The following CNTNAP5 variants were observed in gnomAD, a reference collection of about 807,000 sequenced individuals.
CNTNAP5 encodes contactin associated protein family member 5.
A neutral mutation model predicts 150.2 loss-of-function variants in CNTNAP5; 72 were observed. The ratio of observed to expected loss-of-function variants is 0.48; its 90% CI spans 0.40 to 0.58. The LOEUF is 0.58. CNTNAP5 is among the 20% of genes least tolerant of loss of function. The pLI is 0.00. For missense variants in CNTNAP5, 1,636 were observed against 1,626.2 expected, an observed-to-expected ratio of 1.01 and a Z score of -0.10; for synonymous variants, 672 against 619.8, an observed-to-expected ratio of 1.08 and a Z score of -1.25.
At chr2:124,452,942 C>T (rs185349582) in intron 6 of CNTNAP5, among the ~76,000 whole-genome samples, 1 of 152,150 alleles carries the variant, frequency 6.6e-6, no homozygotes, top group East Asian at 1.9e-4. Flanking sequence ...AGAAAACCAA[C>T]TCTGATTATA....
At chr2:124,272,318 A>G (rs1413927757) in intron 3 of CNTNAP5, among the ~76,000 whole-genome samples, 1 of 152,180 alleles carries the variant, frequency 6.6e-6, no homozygotes, top group African/African-American at 2.4e-5. Context: ...TGAAGTAGGT[A>G]CTTTTTCTGG....
chr2:124,279,249 CTGTG>C (rs755251972), intron 3 of CNTNAP5, among the ~76,000 whole-genome samples: 5 of 143,850 alleles, frequency 3.5e-5, no homozygotes, highest in South Asian at 2.2e-4. Flanking sequence ...GTGTGTGTGT[CTGTG>C]TGTGTGTGTG....
intron 3 of CNTNAP5, among the ~76,000 whole-genome samples, chr2:124,266,655 T>A (rs1469693410): frequency 6.6e-6 from 1 of 152,174 alleles, no homozygotes. Context: ...CTTGGGATGA[T>A]CATATTTGAC....
At chr2:124,767,261 C>A (rs1681088208) in intron 16 of CNTNAP5, among the ~76,000 whole-genome samples, 1 of 152,158 alleles carries the variant, frequency 6.6e-6, no homozygotes, top group Admixed American at 6.6e-5. Flanking sequence ...AATTATTGGA[C>A]AGGGAACAGT....
intron 3 of CNTNAP5, among the ~76,000 whole-genome samples, chr2:124,384,677 A>G (rs1023566952): frequency 5.9e-5 from 9 of 152,226 alleles, no homozygotes; most frequent in African/African-American, 2.2e-4. Flanking sequence ...TCAGAGTTCA[A>G]AATCTGTATC....
At chr2:124,661,751 C>T (rs948253582) in intron 13 of CNTNAP5, among the ~76,000 whole-genome samples, 1 of 152,148 alleles carries the variant, frequency 6.6e-6, no homozygotes, top group Non-Finnish European at 1.5e-5. Context: ...AGTATGTACA[C>T]ATTAGTAATT....
At chr2:124,598,918 C>A (rs1226244286) in intron 11 of CNTNAP5, among the ~76,000 whole-genome samples, 3 of 151,960 alleles carry the variant, frequency 2.0e-5, no homozygotes, top group Non-Finnish European at 2.9e-5. Flanking sequence ...CAGGTGCGTC[C>A]GTCACCCCTT....
intron 1 of CNTNAP5, among the ~76,000 whole-genome samples, chr2:124,148,614 C>T (rs1245356807): frequency 6.8e-6 from 1 of 147,670 alleles, no homozygotes; most frequent in East Asian, 2.0e-4. Context: ...TCAGTACATT[C>T]AAGGAAACTA....
chr2:124,764,585 A>C (rs762265772), intron 16 of CNTNAP5, among the ~76,000 whole-genome samples: 4 of 152,150 alleles, frequency 2.6e-5, no homozygotes, highest in Non-Finnish European at 5.9e-5. Flanking sequence ...GCGTGTGACT[A>C]TCCAATCAGA....
intron 10 of CNTNAP5, among the ~76,000 whole-genome samples, chr2:124,545,669 CCAGTTGGCTTTGATTT>C (rs1695495214): frequency 6.6e-6 from 1 of 152,028 alleles, no homozygotes; most frequent in Non-Finnish European, 1.5e-5. Context: ...TGTGGAAAAC[CCAGTTGGCTTTGATTT>C]CATCTGAGTC....
At chr2:124,627,338 A>G (rs937684169) in intron 12 of CNTNAP5, among the ~76,000 whole-genome samples, 2 of 152,134 alleles carry the variant, frequency 1.3e-5, no homozygotes, top group African/African-American at 4.8e-5. Context: ...AGCGGACATC[A>G]GGTCAGTGTC....
At chr2:124,211,566 T>C (rs986502492) in intron 1 of CNTNAP5, among the ~76,000 whole-genome samples, 1 of 151,890 alleles carries the variant, frequency 6.6e-6, no homozygotes, top group African/African-American at 2.4e-5. Context: ...ATTATGATCT[T>C]GTAGGACCAC....
chr2:124,225,310 G>A (rs1686428167), intron 2 of CNTNAP5, among the ~76,000 whole-genome samples: 1 of 152,118 alleles, frequency 6.6e-6, no homozygotes, highest in Admixed American at 6.6e-5. Flanking sequence ...GTGACACAGA[G>A]AGGAAAGCAA....
chr2:124,663,755 A>G (rs1678641310), intron 13 of CNTNAP5, among the ~76,000 whole-genome samples: 1 of 152,184 alleles, frequency 6.6e-6, no homozygotes, highest in Admixed American at 6.5e-5. Context: ...TGATCTTCCC[A>G]AGGGCCATAC....
intron 1 of CNTNAP5, among the ~76,000 whole-genome samples, chr2:124,158,412 A>G (rs551892033): frequency 9.2e-5 from 14 of 152,236 alleles, no homozygotes; most frequent in Non-Finnish European, 1.5e-4. Flanking sequence ...CTTTTCTTTA[A>G]ATCCTATCTG....
At chr2:124,308,364 A>C (rs538350566) in intron 3 of CNTNAP5, among the ~76,000 whole-genome samples, 11 of 152,292 alleles carry the variant, frequency 7.2e-5, no homozygotes, top group African/African-American at 2.4e-4. Flanking sequence ...TTACCTGCTC[A>C]GCTAGCAGAC....
intron 2 of CNTNAP5, among the ~76,000 whole-genome samples, chr2:124,231,304 G>T (rs1402549516): frequency 2.0e-5 from 3 of 152,104 alleles, no homozygotes; most frequent in Non-Finnish European, 4.4e-5. Flanking sequence ...GAAAACTTTT[G>T]TTCTTCATTT....
At chr2:124,592,692 G>T (rs2104961945) in intron 11 of CNTNAP5, among the ~76,000 whole-genome samples, 1 of 151,748 alleles carries the variant, frequency 6.6e-6, no homozygotes, top group Non-Finnish European at 1.5e-5. Flanking sequence ...ATTTTCATTA[G>T]CACTTATTTT....
intron 5 of CNTNAP5, among the ~76,000 whole-genome samples, 167 bp downstream of exon 5, chr2:124,434,854 C>T (rs1474975246): frequency 1.3e-5 from 2 of 152,150 alleles, no homozygotes; most frequent in African/African-American, 4.8e-5. Context: ...TTCTTTGACA[C>T]CATATAATAT....
Sources: allele counts gnomAD v4.1 joint callset (sites outside exome capture counted in the v4.1 genomes callset), GRCh38; gene constraint gnomAD v4.1.1; transcripts MANE v1.5; gene names NCBI Gene and HGNC (gene_info 2026-07-23, HGNC 2026-07-21).